The following ITPR1 variants were observed in gnomAD, a reference collection of about 807,000 sequenced individuals.
ITPR1 encodes the protein inositol 1,4,5-trisphosphate-gated calcium channel ITPR1.
ITPR1 carries 96 observed loss-of-function variants against 318.4 expected under a neutral mutation model. The ratio of observed to expected loss-of-function variants is 0.30; its 90% CI spans 0.26 to 0.36. ITPR1 has a LOEUF of 0.36. Ranked by LOEUF, ITPR1 falls within the 10% of genes least tolerant of loss-of-function variation. ITPR1 has a pLI of 1.00. For missense variants in ITPR1, 2,440 were observed against 3,460.2 expected, an observed-to-expected ratio of 0.71 and a Z score of 7.40; for synonymous variants, 1,312 against 1,289.9, an observed-to-expected ratio of 1.02 and a Z score of -0.37.
chr3:4,538,614 C>G (rs182842966), intron 4 of ITPR1, among the ~76,000 whole-genome samples: 2 of 152,300 alleles, frequency 1.3e-5, no homozygotes, highest in East Asian at 3.9e-4. Flanking sequence ...CATTGCAGCA[C>G]TATTCACAAT....
rs1484415439 is a variant in ITPR1, at chr3:4,795,194, A to G, written c.6931+7A>G. ...TTTAAGGGAGTCCGAGGAGGTACCC[A>G]TATCTTTAACTTCAAAAATCCTATT... On this transcript the variant is annotated splice_region_variant and intron_variant, in intron 53 of 61. Coordinates refer to ENST00000649015, the MANE Select transcript of ITPR1 (RefSeq NM_001378452.1). 4 of 1,611,310 alleles carry G rather than the reference A, an allele frequency of 2.5e-6. No individual in the cohort carries two copies. Among genetic ancestry groups the G allele is most frequent in the Non-Finnish European group, 3.4e-6 (4 of 1,178,800 alleles).
chr3:4,721,159 C>G (rs1358150702), intron 40 of ITPR1, among the ~76,000 whole-genome samples: 1 of 48,030 alleles, frequency 2.1e-5, no homozygotes, highest in Non-Finnish European at 3.6e-5. Context: ...TGTGTAGATA[C>G]GTGTGTGTGC....
intron 60 of ITPR1, among the ~76,000 whole-genome samples, chr3:4,821,394 A>T (rs1015542570): frequency 3.9e-5 from 6 of 152,202 alleles, no homozygotes; most frequent in African/African-American, 4.8e-5. Context: ...AAGCCCTCAG[A>T]TGCCACTCGG....
intron 4 of ITPR1, among the ~76,000 whole-genome samples, chr3:4,608,014 G>A (rs2091824562): frequency 6.6e-6 from 1 of 152,086 alleles, no homozygotes; most frequent in Non-Finnish European, 1.5e-5. Flanking sequence ...TTTTGGGGAA[G>A]GGCTGTTATC....
intron 51 of ITPR1, among the ~76,000 whole-genome samples, chr3:4,784,726 CA>C (rs34856837): frequency 0.53 from 57,397 of 108,550 alleles, 14,142 homozygotes; most frequent in East Asian, 0.75. Flanking sequence ...ACTAAAAATA[CA>C]AAAAAAAAAA....
At chr3:4,560,132 C>T (rs2086528445) in intron 4 of ITPR1, among the ~76,000 whole-genome samples, 1 of 152,170 alleles carries the variant, frequency 6.6e-6, no homozygotes. Flanking sequence ...CAGTACTTGG[C>T]ACGTCCATGA....
intron 19 of ITPR1, among the ~76,000 whole-genome samples, chr3:4,670,153 C>T (rs891538395): frequency 3.9e-5 from 6 of 152,154 alleles, no homozygotes; most frequent in African/African-American, 1.4e-4. Flanking sequence ...TAAATTATTA[C>T]TGTTCAGAAC....
At chr3:4,636,587 C>G (rs2093198558) in intron 5 of ITPR1, among the ~76,000 whole-genome samples, 1 of 152,172 alleles carries the variant, frequency 6.6e-6, no homozygotes, top group Non-Finnish European at 1.5e-5. Context: ...CGCCACCATG[C>G]CCAGCTAATT....
rs569029137 is a variant in ITPR1 at position 4,799,006 on chromosome 3, T to C, written c.6932-1419T>C. ...ATAAAAATGTTCTGTATCTTGACTGTGGTGACAATTACATGCGGTGGTCAC... is the reference window on the plus strand; with the variant it reads ...ATAAAAATGTTCTGTATCTTGACTGCGGTGACAATTACATGCGGTGGTCAC... On this transcript the variant is annotated intron_variant, in intron 53 of 61. Transcript: ENST00000649015. Among the ~76,000 whole-genome samples, 6 of 152,340 alleles carry C rather than the reference T, an allele frequency of 3.9e-5. No homozygotes were observed. The South Asian group carries it at 1.2e-3, about 32-fold the overall frequency.
intron 4 of ITPR1, among the ~76,000 whole-genome samples, chr3:4,558,829 T>C (rs973274714): frequency 5.5e-5 from 8 of 145,984 alleles, no homozygotes; most frequent in African/African-American, 1.9e-4. Context: ...CATCTGTCTT[T>C]TTTCTTTTTT....
intron 5 of ITPR1, among the ~76,000 whole-genome samples, chr3:4,638,983 C>T (rs2093272443): frequency 6.6e-6 from 1 of 152,138 alleles, no homozygotes; most frequent in Non-Finnish European, 1.5e-5. Context: ...ACAAACCACC[C>T]AAATCCAGCA....
Position 4,663,050 on chromosome 3 carries a change from G to A in ITPR1, c.1413-15G>A, listed in dbSNP as rs148675260. On this transcript the variant is annotated splice_polypyrimidine_tract_variant and intron_variant, in intron 15 of 61. Transcript: ENST00000649015. ...ACTGAACACATCTGTCTCTAATAGC[G>A]TCTTTCCTCCTAAGGTCTGTAACCA... 6.1e-5 allele frequency: 99 copies of A among 1,612,480 alleles called. No individual in the cohort carries two copies. The highest frequency in any genetic ancestry group is 7.9e-5 in the Non-Finnish European group (93 of 1,178,868).
chr3:4,671,361 G>A (rs541329120), intron 20 of ITPR1, among the ~76,000 whole-genome samples: 2 of 152,132 alleles, frequency 1.3e-5, no homozygotes, highest in African/African-American at 2.4e-5. Context: ...CAGAAGATGT[G>A]TGTGTTTGTA....
intron 60 of ITPR1, among the ~76,000 whole-genome samples, chr3:4,836,323 A>G (rs2050911934): frequency 6.6e-6 from 1 of 152,218 alleles, no homozygotes; most frequent in Non-Finnish European, 1.5e-5. Flanking sequence ...TTCTGGAAAC[A>G]GATGATGGGG....
intron 26 of ITPR1, among the ~76,000 whole-genome samples, 162 bp from the exon 27 acceptor site, chr3:4,683,224 G>GA (rs935404339): frequency 2.0e-5 from 3 of 152,194 alleles, no homozygotes; most frequent in Non-Finnish European, 2.9e-5. Flanking sequence ...AGTTGAAGAT[G>GA]AAGCAAGGCT....
chr3:4,626,184 C>CTG (rs36079707), intron 4 of ITPR1, among the ~76,000 whole-genome samples: 19,032 of 147,824 alleles, frequency 0.13, 1,243 homozygotes, highest in African/African-American at 0.16. Flanking sequence ...CCTAAACTTT[C>CTG]TGTGTGTGTG....
At chr3:4,822,918 C>T (rs1057113565) in intron 60 of ITPR1, among the ~76,000 whole-genome samples, 2 of 152,186 alleles carry the variant, frequency 1.3e-5, no homozygotes, top group Non-Finnish European at 2.9e-5. Flanking sequence ...CCTTTCCCTG[C>T]GGGAACTTGA....
chr3:4,818,783 A>C (rs1376301188), intron 60 of ITPR1, among the ~76,000 whole-genome samples: 2 of 152,118 alleles, frequency 1.3e-5, no homozygotes, highest in African/African-American at 4.8e-5. Context: ...GCTGATGGGA[A>C]GTGTGGATAC....
chr3:4,502,541 A>T (rs1013874469), intron 2 of ITPR1, among the ~76,000 whole-genome samples: 2 of 151,836 alleles, frequency 1.3e-5, no homozygotes, highest in Non-Finnish European at 2.9e-5. Context: ...GCCAGGTTCA[A>T]GCGATTCTCC....
Sources: gnomAD v4.1 joint callset for allele counts (sites outside exome capture counted in the v4.1 genomes callset) on GRCh38, gnomAD v4.1.1 for gene constraint, MANE v1.5 for transcripts, NCBI Gene and HGNC (gene_info 2026-07-23, HGNC 2026-07-21) for gene names.